Variants in TRRAP observed in about 807,000 individuals in gnomAD.
TRRAP encodes the protein transformation/transcription domain associated protein, also known as transformation/transcription domain-associated protein.
Under a neutral mutation model 438.8 loss-of-function variants are expected in TRRAP, and 41 were observed. The ratio of observed to expected loss-of-function variants is 0.09; its 90% CI spans 0.07 to 0.12. TRRAP has a LOEUF of 0.12. TRRAP is among the 10% of genes least tolerant of loss of function. TRRAP has a pLI of 1.00. For missense variants in TRRAP, 3,122 were observed against 5,055.1 expected (o/e 0.62, Z 11.60); for synonymous variants, 1,994 against 1,962.9 (o/e 1.02, Z -0.42).
chr7:98,978,135 T>G lies in TRRAP; in HGVS notation c.8386-76T>G, dbSNP rs151294075. ...AACCTCATCTCAAAAAACTTAGTTCTAAGTTTTAAATTTAAAAAGAAAGAA... is the reference window on the plus strand; with the variant it reads ...AACCTCATCTCAAAAAACTTAGTTCGAAGTTTTAAATTTAAAAAGAAAGAA... On this transcript the variant is annotated intron_variant, in intron 56 of 72. Coordinates refer to ENST00000456197, the MANE Select transcript of TRRAP (RefSeq NM_001375524.1). 1.3e-3 allele frequency: 1,718 copies of G among 1,362,908 alleles called. 51 individuals carry two copies. The Admixed American group carries it at 0.032, about 25-fold the overall frequency. 84.4% of individuals were successfully genotyped at this position (1,362,908 alleles called of 1,614,324 possible).
intron 1 of TRRAP, among the ~76,000 whole-genome samples, chr7:98,880,259 GTTGTTTTTT>G (rs1795360423): frequency 3.0e-5 from 1 of 33,504 alleles, no homozygotes; most frequent in African/African-American, 6.2e-5. Flanking sequence ...TGTTGTTGTT[GTTGTTTTTT>G]TTTTTTTTTT....
rs190676703 is a variant in TRRAP at position 98,968,906 on chromosome 7, G to A, written c.7513-1206G>A. 4.4e-3 allele frequency among the ~76,000 whole-genome samples: 671 copies of A among 152,362 alleles called. 4 individuals are homozygous for A. The highest frequency in any genetic ancestry group is 7.2e-3 in the Non-Finnish European group (491 of 68,036). ...CCTTTCGACTGCTGGTTAGTTGCCAGGCACTGGGTCAGGTGCTAAAAAGAC... is the reference window on the plus strand; with the variant it reads ...CCTTTCGACTGCTGGTTAGTTGCCAAGCACTGGGTCAGGTGCTAAAAAGAC... On this transcript the variant is annotated intron_variant, in intron 51 of 72. Coordinates refer to ENST00000456197, the MANE Select transcript of TRRAP (RefSeq NM_001375524.1).
Position 98,999,854 on chromosome 7 carries a change from C to T in TRRAP, c.10310-4336C>T, listed in dbSNP as rs1277431394. 3.9e-5 allele frequency: 17 copies of T among 439,490 alleles called. No homozygotes were observed. The East Asian group carries it at 6.2e-4, about 16-fold the overall frequency. The allele number at this position is 439,490 out of a possible 1,614,324, so 27.2% of individuals were successfully genotyped here. On this transcript the variant is annotated intron_variant, in intron 67 of 72. Transcript: ENST00000456197. ...CCACCTCAGACAGGCTTTGCTTTTC[C>T]GAATTCATCTCCATCTTAAATACTC...
At chr7:98,900,819 G>T (rs880002627) in intron 11 of TRRAP, 99 bp downstream of exon 11, 4 of 939,704 alleles carry the variant, frequency 4.3e-6, no homozygotes, top group Non-Finnish European at 4.8e-6. Context: ...GACAAATATT[G>T]GTAATCATTA....
chr7:98,940,611 A>G (rs1479792961), intron 30 of TRRAP, among the ~76,000 whole-genome samples: 1 of 152,192 alleles, frequency 6.6e-6, no homozygotes, highest in Non-Finnish European at 1.5e-5. Context: ...TGCCTAAAAT[A>G]AATCACATGG....
chr7:98,932,122 A>T (rs538063839), intron 26 of TRRAP, among the ~76,000 whole-genome samples: 2 of 150,132 alleles, frequency 1.3e-5, no homozygotes, highest in Non-Finnish European at 3.0e-5. Context: ...TATTTATTTA[A>T]TTATTTATTT....
At position 98,930,034 on chromosome 7, in the gene TRRAP, C is replaced by G; in HGVS notation, c.3221C>G (p.Thr1074Arg). 1 of 1,614,200 alleles carries G rather than the reference C, an allele frequency of 6.2e-7. No homozygotes were observed. The highest frequency in any genetic ancestry group is 8.5e-7 in the Non-Finnish European group (1 of 1,180,048). Reference protein sequence around the residue: ...PCYQVGSQPSTAMFHSEENGS... With the variant: ...PCYQVGSQPSRAMFHSEENGS... ...TACCAGGTGGGCAGCCAGCCCAGCA[C>G]AGCCATGTTTCACAGTGAAGAAAAT... is the stretch of plus-strand genomic sequence containing the variant. Residue 1074 changes from threonine to arginine, a missense_variant, in exon 24 of 73, where the codon ACA (threonine) becomes AGA (arginine). Physicochemically the swap from Thr to Arg is moderately conservative, Grantham distance 71 (BLOSUM62 -1). Transcript: ENST00000456197.
chr7:98,978,969 C>G, intron 58 of TRRAP, 65 bp downstream of exon 58: 1 of 1,596,540 alleles, frequency 6.3e-7, no homozygotes, highest in Admixed American at 1.7e-5. Flanking sequence ...GCAGGTGTCT[C>G]TTGGGAGATT....
At chr7:98,929,220 G>A (rs1790210904) in intron 23 of TRRAP, among the ~76,000 whole-genome samples, 1 of 152,088 alleles carries the variant, frequency 6.6e-6, no homozygotes, top group South Asian at 2.1e-4. Flanking sequence ...GATAACAGGT[G>A]TGAGCCACCA....
At chr7:98,983,235 C>T (rs746448691) in intron 59 of TRRAP, 29 bp from the exon 60 acceptor site, 30 of 1,569,918 alleles carry the variant, frequency 1.9e-5, no homozygotes, top group African/African-American at 1.2e-4. Context: ...TGACATTTAC[C>T]GCAGAGTCTC....
At chr7:98,894,032 C>A in intron 6 of TRRAP, 151 bp downstream of exon 6, 1 of 696,162 alleles carries the variant, frequency 1.4e-6, no homozygotes, top group Non-Finnish European at 2.4e-6. Flanking sequence ...ATGAGTTTAA[C>A]AGTGACTTAA....
At chr7:98,958,806 G>A (rs966347957) in intron 44 of TRRAP, among the ~76,000 whole-genome samples, 2 of 152,150 alleles carry the variant, frequency 1.3e-5, no homozygotes, top group Non-Finnish European at 1.5e-5. Context: ...CCTACAGAAG[G>A]AAGGGACATT....
intron 47 of TRRAP, among the ~76,000 whole-genome samples, chr7:98,962,871 G>C (rs570550964): frequency 6.6e-6 from 1 of 152,198 alleles, no homozygotes; most frequent in African/African-American, 2.4e-5. Flanking sequence ...CTCCTTAGGT[G>C]ATCAGGGCAG....
intron 11 of TRRAP, among the ~76,000 whole-genome samples, chr7:98,902,092 G>A (rs1308236364): frequency 1.3e-5 from 2 of 152,164 alleles, no homozygotes; most frequent in Non-Finnish European, 2.9e-5. Flanking sequence ...TATTAATAAA[G>A]CAACTATGCA....
chr7:99,002,591 C>G (rs1414532923), intron 67 of TRRAP, among the ~76,000 whole-genome samples: 2 of 152,180 alleles, frequency 1.3e-5, no homozygotes, highest in African/African-American at 4.8e-5. Flanking sequence ...CGCGGCTCTG[C>G]TGGGGGATCT....
chr7:98,963,512 G>A (rs1243050353), intron 47 of TRRAP, among the ~76,000 whole-genome samples: 1 of 152,156 alleles, frequency 6.6e-6, no homozygotes, highest in Non-Finnish European at 1.5e-5. Flanking sequence ...TCGGGGTGAG[G>A]TGGGCCTAGG....
In TRRAP at chr7:98,956,832, T is replaced by C. The variant is rs1791641841; in HGVS notation, c.6231+299T>C. Among the ~76,000 whole-genome samples the C allele has an allele frequency of 6.6e-6, 1 of 152,216 alleles. No homozygotes were observed. The highest frequency in any genetic ancestry group is 2.4e-5 in the African/African-American group (1 of 41,450). ...TGAAGTAAGGAGTTGATTAAGAACA[T>C]GTGCCCATACTGAGATCAGTTTCTG... On this transcript the variant is annotated intron_variant, in intron 43 of 72. Coordinates refer to ENST00000456197, the MANE Select transcript of TRRAP (RefSeq NM_001375524.1). This position sits in a 1 kb window ranked among gnomAD's most constrained non-coding sequence, Gnocchi z 4.5.
At chr7:99,008,802 G>A (rs1794308887) in intron 70 of TRRAP, among the ~76,000 whole-genome samples, 1 of 152,214 alleles carries the variant, frequency 6.6e-6, no homozygotes, top group African/African-American at 2.4e-5. Context: ...CTCGACCTTG[G>A]AGAGGCCCCT....
In TRRAP at chr7:98,990,469, G is replaced by A; in HGVS notation, c.9606G>A (p.Leu3202=). The A allele has an allele frequency of 1.2e-6, 2 of 1,612,714 alleles. No homozygotes were observed. The highest frequency in any genetic ancestry group is 1.7e-6 in the Non-Finnish European group (2 of 1,178,746). ...RKYLAKVLWL[L]SFDDDKNTLA... ...TTCTGTCTCAGGTGCTGTGGCTTTT[G>A]AGTTTTGATGATGACAAAAACACTT... Residue 3202 remains leucine (L), a synonymous_variant, in exon 64 of 73, where the codon TTG becomes TTA. Transcript: ENST00000456197.
Sources: gnomAD v4.1 joint callset for allele counts (sites outside exome capture counted in the v4.1 genomes callset) on GRCh38, gnomAD v4.1.1 for gene constraint, Gnocchi (gnomAD v3.1) non-coding constraint, MANE v1.5 for transcripts, NCBI Gene and HGNC (gene_info 2026-07-23, HGNC 2026-07-21) for gene names.